Variants in PLCD4 observed in about 807,000 individuals in gnomAD.
PLCD4 encodes phospholipase C delta 4, also known as 1-phosphatidylinositol 4,5-bisphosphate phosphodiesterase delta-4.
A neutral mutation model predicts 90.2 loss-of-function variants in PLCD4; 63 were observed. The observed-to-expected ratio is 0.70, with a 90% CI of 0.57 to 0.86. PLCD4 has a LOEUF of 0.86. Among genes scored for constraint, PLCD4 ranks in the 40% least tolerant of loss-of-function variants. PLCD4 has a pLI of 0.00. For missense variants in PLCD4, 830 were observed against 956.3 expected (o/e 0.87, Z 1.74); for synonymous variants, 294 against 356.5 (o/e 0.82, Z 1.97).
intron 6 of PLCD4, among the ~76,000 whole-genome samples, chr2:218,627,258 C>T (rs1278135881): frequency 6.6e-6 from 1 of 151,050 alleles, no homozygotes; most frequent in Non-Finnish European, 1.5e-5. Context: ...GAGACTCTGT[C>T]TCAAAAATAA....
chr2:218,616,962 A>AGAGAGAGAGAGAG (rs1695637870), intron 3 of PLCD4, among the ~76,000 whole-genome samples: 1 of 102,374 alleles, frequency 9.8e-6, no homozygotes, highest in African/African-American at 3.4e-5. Context: ...AGAGAGAGAG[A>AGAGAGAGAGAGAG]GAGAGAGAGA....
chr2:218,614,467 T>C (rs1695490710), intron 1 of PLCD4, among the ~76,000 whole-genome samples: 1 of 144,464 alleles, frequency 6.9e-6, no homozygotes, highest in African/African-American at 2.6e-5. Flanking sequence ...CTCTTTTTAT[T>C]GAGACAGAGT....
intron 4 of PLCD4, chr2:218,619,024 C>A (rs1695757025): frequency 5.3e-6 from 3 of 570,794 alleles, no homozygotes; most frequent in South Asian, 4.5e-5. Flanking sequence ...GAATCAGGAC[C>A]CCCAGGATTG....
At position 218,636,233 on chromosome 2, in the gene PLCD4, A is replaced by C; in HGVS notation, c.2033-10A>C. 1 of 1,613,126 alleles carries C rather than the reference A, an allele frequency of 6.2e-7. No individual in the cohort carries two copies. Among genetic ancestry groups the C allele is most frequent in the Non-Finnish European group, 8.5e-7 (1 of 1,179,088 alleles). Reference sequence around the variant, plus strand: ...AATGTCTTCTTATTTCTTTCTGTCCACCAACTCAGGTTTTAATCCATACTG... The same window carrying C: ...AATGTCTTCTTATTTCTTTCTGTCCCCCAACTCAGGTTTTAATCCATACTG... On this transcript the variant is annotated splice_polypyrimidine_tract_variant and intron_variant, in intron 14 of 15. Coordinates refer to ENST00000450993, the MANE Select transcript of PLCD4 (RefSeq NM_032726.4).
intron 3 of PLCD4, 149 bp from the exon 4 acceptor site, chr2:218,618,430 T>C (rs1695718325): frequency 3.0e-6 from 2 of 661,868 alleles, no homozygotes; most frequent in Non-Finnish European, 5.2e-6. Context: ...TGCATCTCTC[T>C]GTACTAATGC....
In PLCD4 at chr2:218,622,680, G is replaced by A; in HGVS notation, c.574G>A (p.Gly192Arg). Residue 192 changes from glycine to arginine, a missense_variant, in exon 6 of 16, where the codon GGA becomes AGA. Coordinates refer to ENST00000450993, the MANE Select transcript of PLCD4 (RefSeq NM_032726.4). ...CACGTCCCAGTCTGGAACCCTGGAA[G>A]GAGAAGAATTCGTACAGTTCTATAA... ...ADTSQSGTLE[G>R]EEFVQFYKAL... 1 of 1,613,972 alleles carries A rather than the reference G, an allele frequency of 6.2e-7. No individual in the cohort carries two copies. Among genetic ancestry groups the A allele is most frequent in the South Asian group, 1.1e-5 (1 of 91,072 alleles).
chr2:218,611,939 C>CT lies in PLCD4; in HGVS notation c.-33-3760dup, dbSNP rs879620027. Among the ~76,000 whole-genome samples the CT allele has an allele frequency of 4.0e-4, 59 of 149,196 alleles. 1 individual carries two copies. The highest frequency in any genetic ancestry group is 2.1e-3 in the South Asian group (10 of 4,700). Reference sequence around the variant, plus strand: ...CTGTTGCTTTCTTTTCTTTTCTTTTCTTTTTTTTGAGATGGAGTCTAGCTC... The same window carrying CT: ...CTGTTGCTTTCTTTTCTTTTCTTTTCTTTTTTTTTGAGATGGAGTCTAGCTC... On this transcript the variant is annotated intron_variant, in intron 1 of 15. Transcript: ENST00000450993.
Position 218,636,506 on chromosome 2 carries a change from A to T in PLCD4, c.2218A>T (p.Ile740Phe). The T allele has an allele frequency of 6.2e-7, 1 of 1,614,022 alleles. No homozygotes were observed. The change falls in exon 16 of 16, where the codon ATC (isoleucine) becomes TTC (phenylalanine). Residue 740 changes from isoleucine (I) to phenylalanine (F), a missense_variant. Transcript: ENST00000450993. ...RHIHLLSKDG[I>F]SLRPASIFVY... ...CATTCACCTGCTGTCCAAAGATGGCATCAGCCTCCGCCCAGCTTCCATCTT... is the reference window on the plus strand; with the variant it reads ...CATTCACCTGCTGTCCAAAGATGGCTTCAGCCTCCGCCCAGCTTCCATCTT...
intron 9 of PLCD4, 84 bp downstream of exon 9, chr2:218,630,886 G>A (rs1444199107): frequency 2.1e-6 from 3 of 1,405,278 alleles, no homozygotes; most frequent in East Asian, 4.9e-5. Context: ...GCCCCTCTTT[G>A]TTCCCTTCTT....
intron 14 of PLCD4, 68 bp from the exon 15 acceptor site, chr2:218,636,175 C>T: frequency 6.5e-7 from 1 of 1,539,344 alleles, no homozygotes; most frequent in Admixed American, 1.7e-5. Flanking sequence ...AATGAGAACA[C>T]AAGAAAAGCA....
intron 1 of PLCD4, among the ~76,000 whole-genome samples, chr2:218,613,282 T>A (rs1443015575): frequency 1.3e-5 from 2 of 151,112 alleles, no homozygotes; most frequent in African/African-American, 2.4e-5. Flanking sequence ...TCCCAGCTAC[T>A]TAGGAGGCTG....
rs773870176 is a variant in PLCD4, at chr2:218,618,696, C to G, written c.299C>G (p.Ser100Cys). 4 of 1,613,816 alleles carry G rather than the reference C, an allele frequency of 2.5e-6. No individual in the cohort carries two copies. The South Asian group carries it at 3.3e-5, about 13-fold the overall frequency. The change falls in exon 4 of 16, where the codon TCC becomes TGC. Residue 100 changes from serine to cysteine, a missense_variant. Transcript: ENST00000450993. ...GFTIVFHGRR[S>C]NLDLMANSVE... Reference sequence around the variant, plus strand: ...ACCATTGTCTTCCATGGCCGCCGCTCCAACCTGGACCTGATGGCCAACAGT... The same window carrying G: ...ACCATTGTCTTCCATGGCCGCCGCTGCAACCTGGACCTGATGGCCAACAGT...
chr2:218,634,382 C>A lies in PLCD4; in HGVS notation c.1724-76C>A. 1 of 1,572,262 alleles carries A rather than the reference C, an allele frequency of 6.4e-7. No individual in the cohort carries two copies. Among genetic ancestry groups the A allele is most frequent in the Non-Finnish European group, 8.6e-7 (1 of 1,156,798 alleles). ...CAGGTACCGTGCACCCAGTACCTAT[C>A]TTCTTAACTCCCTGAAAGAGGGGCT... On this transcript the variant is annotated intron_variant, in intron 12 of 15. Transcript: ENST00000450993. The surrounding 1 kb of genome is among the most constrained non-coding windows in gnomAD (Gnocchi z 4.0).
Position 218,616,096 on chromosome 2 carries a change from G to A in PLCD4, c.181+34G>A, listed in dbSNP as rs1446282010. On this transcript the variant is annotated intron_variant, in intron 3 of 15. Transcript: ENST00000450993. Reference sequence around the variant, plus strand: ...CCTGGATAGTGGGGGGTGGATACATGGGTGGATAGAGGCCTGAGGAGCCCG... The same window carrying A: ...CCTGGATAGTGGGGGGTGGATACATAGGTGGATAGAGGCCTGAGGAGCCCG... The A allele has an allele frequency of 4.4e-6, 7 of 1,605,924 alleles. No homozygotes were observed. In the African/African-American group the frequency reaches 5.3e-5, roughly 12 times the overall value.
At position 218,634,157 on chromosome 2, in the gene PLCD4, C is replaced by T. The variant is rs183605922; in HGVS notation, c.1659C>T (p.Ser553=). The change falls in exon 12 of 16, where the codon AGC becomes AGT. Residue 553 remains serine, a synonymous_variant. Coordinates refer to ENST00000450993, the MANE Select transcript of PLCD4 (RefSeq NM_032726.4). This position sits in a 1 kb window ranked among gnomAD's most constrained non-coding sequence, Gnocchi z 4.0. ...NTWQLSRVYP[S]GLRTDSSNYN... ...GGCAGTTAAGCCGTGTGTATCCCAG[C>T]GGCCTGAGGACAGACTCTTCCAACT... is the stretch of plus-strand genomic sequence containing the variant. 1,256 of 1,612,672 alleles carry T rather than the reference C, an allele frequency of 7.8e-4. No individual in the cohort carries two copies. Among genetic ancestry groups the T allele is most frequent in the Non-Finnish European group, 9.4e-4 (1,103 of 1,179,372 alleles).
intron 4 of PLCD4, 32 bp from the exon 5 acceptor site, chr2:218,621,438 A>G: frequency 6.2e-7 from 1 of 1,613,100 alleles, no homozygotes; most frequent in Non-Finnish European, 8.5e-7. Flanking sequence ...ACAAACAGAT[A>G]CATTAGTGCT....
intron 1 of PLCD4, among the ~76,000 whole-genome samples, chr2:218,612,513 G>A (rs917378834): frequency 5.9e-5 from 9 of 152,128 alleles, no homozygotes; most frequent in African/African-American, 2.2e-4. Context: ...AGTGGCTCAC[G>A]CCTGTAACAG....
chr2:218,633,776 G>A lies in PLCD4; in HGVS notation c.1606+15G>A, dbSNP rs993966063. ...CAAGGAGGCTGGTCAGGACCAAAATGGAGGGATGGGGAGGGAAGTGGGATG... is the reference window on the plus strand; with the variant it reads ...CAAGGAGGCTGGTCAGGACCAAAATAGAGGGATGGGGAGGGAAGTGGGATG... On this transcript the variant is annotated intron_variant, in intron 11 of 15. Coordinates refer to ENST00000450993, the MANE Select transcript of PLCD4 (RefSeq NM_032726.4). 6.2e-7 allele frequency: 1 copy of A among 1,612,964 alleles called. No individual in the cohort carries two copies. Among genetic ancestry groups the A allele is most frequent in the African/African-American group, 1.3e-5 (1 of 74,924 alleles).
At chr2:218,618,838 G>A (rs1376890685) in intron 4 of PLCD4, 31 bp downstream of exon 4, 2 of 1,548,106 alleles carry the variant, frequency 1.3e-6, no homozygotes, top group Non-Finnish European at 1.8e-6. Context: ...GGGTGGGGGT[G>A]AGGGATCACG....
Sources: gnomAD v4.1 joint callset for allele counts (sites outside exome capture counted in the v4.1 genomes callset) on GRCh38, gnomAD v4.1.1 for gene constraint, Gnocchi (gnomAD v3.1) non-coding constraint, MANE v1.5 for transcripts, NCBI Gene and HGNC (gene_info 2026-07-23, HGNC 2026-07-21) for gene names.